GPR63: variants seen among roughly 807,000 people sequenced by gnomAD.
The protein encoded by GPR63 is G protein-coupled receptor 63, also known as probable G protein-coupled receptor 63.
In GPR63, 12 loss-of-function variants were observed where a neutral mutation model predicts 23.1. The ratio of observed to expected loss-of-function variants is 0.52; its 90% CI spans 0.33 to 0.84. The LOEUF is 0.84. Among genes scored for constraint, GPR63 ranks in the 40% least tolerant of loss-of-function variants. The probability of loss-of-function intolerance (pLI) is 0.02; values close to 1 mark genes in which losing one functional copy is unlikely to be tolerated. For missense variants in GPR63, 472 were observed against 515.6 expected (o/e 0.92, Z 0.82); for synonymous variants, 172 against 191.1 (o/e 0.90, Z 0.82).
intron 1 of GPR63, among the ~76,000 whole-genome samples, chr6:96,811,346 G>C (rs1222304932): frequency 1.3e-5 from 2 of 152,160 alleles, no homozygotes; most frequent in Non-Finnish European, 2.9e-5. Context: ...GAATAAAACA[G>C]GTAGGAATGT....
At chr6:96,821,852 T>A (rs758498441) in intron 1 of GPR63, among the ~76,000 whole-genome samples, 2 of 152,156 alleles carry the variant, frequency 1.3e-5, no homozygotes, top group African/African-American at 2.4e-5. Flanking sequence ...GGTTCAAGCA[T>A]AATCTCTTGG....
At chr6:96,817,923 G>A (rs943932755) in intron 1 of GPR63, among the ~76,000 whole-genome samples, 33 of 150,102 alleles carry the variant, frequency 2.2e-4, no homozygotes, top group Non-Finnish European at 4.3e-4. Flanking sequence ...TGATTGGTGC[G>A]TCTTTCTGCT....
Position 96,826,303 on chromosome 6 carries a change from C to G in GPR63, c.-151+10965G>C, listed in dbSNP as rs1774437242. ...ATGAAACCAAACTTAAAACAAGGAG[C>G]TGGTAATAACTTTCTAAAAAATAAA... On this transcript the variant is annotated intron_variant, in intron 1 of 1. Coordinates refer to ENST00000229955, the MANE Select transcript of GPR63 (RefSeq NM_030784.4). Among the ~76,000 whole-genome samples, 4 of 152,144 alleles carry G rather than the reference C, an allele frequency of 2.6e-5. No individual in the cohort carries two copies. The South Asian group carries it at 8.3e-4, about 32-fold the overall frequency.
chr6:96,823,526 A>G (rs1007233034), intron 1 of GPR63, among the ~76,000 whole-genome samples: 1 of 152,222 alleles, frequency 6.6e-6, no homozygotes, highest in African/African-American at 2.4e-5. Context: ...CAAAAAATGA[A>G]AAAGTTTTAA....
At chr6:96,826,654 C>T (rs1412651826) in intron 1 of GPR63, among the ~76,000 whole-genome samples, 1 of 151,974 alleles carries the variant, frequency 6.6e-6, no homozygotes, top group Admixed American at 6.6e-5. Flanking sequence ...AAATTAAAAG[C>T]ATTTGAGTTG....
intron 1 of GPR63, among the ~76,000 whole-genome samples, chr6:96,816,185 C>G (rs1419280411): frequency 6.6e-6 from 1 of 151,776 alleles, no homozygotes. Flanking sequence ...ATAGAAGACG[C>G]AAAAAAACCA....
At chr6:96,806,048 T>C (rs1456809071) in intron 1 of GPR63, among the ~76,000 whole-genome samples, 1 of 152,218 alleles carries the variant, frequency 6.6e-6, no homozygotes, top group Non-Finnish European at 1.5e-5. Context: ...CCTACTATCC[T>C]ACCTCAGGGC....
chr6:96,799,042 C>A lies in GPR63; in HGVS notation c.690G>T (p.Val230=). 8 of 1,614,148 alleles carry A rather than the reference C, an allele frequency of 5.0e-6. No homozygotes were observed. Among genetic ancestry groups the A allele is most frequent in the Non-Finnish European group, 6.8e-6 (8 of 1,180,022 alleles). The change falls in exon 2 of 2, where the codon GTG becomes GTT. Residue 230 remains valine, a synonymous_variant. Coordinates refer to ENST00000229955, the MANE Select transcript of GPR63 (RefSeq NM_030784.4). The stretch of plus-strand genomic sequence containing the variant: ...AGCCTGGATTGGTTGTGTACCCAAA[C>A]ACACACTGGGGAGCTCGGGAAGGTA... ...LQIPSRAPQC[V]FGYTTNPGYQ...
intron 1 of GPR63, among the ~76,000 whole-genome samples, chr6:96,818,556 T>C (rs921187860): frequency 3.3e-5 from 5 of 152,208 alleles, no homozygotes; most frequent in African/African-American, 4.8e-5. Context: ...ATTTATAAAA[T>C]AGAATGCTGT....
In GPR63 at chr6:96,800,418, G is replaced by A. The variant is rs1011719484; in HGVS notation, c.-150-537C>T. Among the ~76,000 whole-genome samples, 4 of 152,042 alleles carry A rather than the reference G, an allele frequency of 2.6e-5. No homozygotes were observed. In the South Asian group the frequency reaches 6.2e-4, roughly 24 times the overall value. On this transcript the variant is annotated intron_variant, in intron 1 of 1. Coordinates refer to ENST00000229955, the MANE Select transcript of GPR63 (RefSeq NM_030784.4). ...CACTTTAGTTCTAACATCCTTATAA[G>A]TAGGCACTAAGTAATTGTCAATGAA...
chr6:96,810,833 T>A (rs1181434129), intron 1 of GPR63, among the ~76,000 whole-genome samples: 3 of 152,090 alleles, frequency 2.0e-5, no homozygotes, highest in Non-Finnish European at 4.4e-5. Flanking sequence ...ACACTTACAG[T>A]TTTGTATAAT....
At chr6:96,825,519 T>G (rs1774419068) in intron 1 of GPR63, among the ~76,000 whole-genome samples, 1 of 152,100 alleles carries the variant, frequency 6.6e-6, no homozygotes, top group Non-Finnish European at 1.5e-5. Flanking sequence ...AGGGACTGTT[T>G]TCAGGAACTT....
At chr6:96,807,673 T>C (rs1582254372) in intron 1 of GPR63, among the ~76,000 whole-genome samples, 1 of 152,126 alleles carries the variant, frequency 6.6e-6, no homozygotes, top group Non-Finnish European at 1.5e-5. Context: ...AAAACAAAAC[T>C]CTTAAAATTT....
intron 1 of GPR63, among the ~76,000 whole-genome samples, chr6:96,836,268 G>C (rs375178026): frequency 2.6e-5 from 4 of 152,048 alleles, no homozygotes; most frequent in Admixed American, 2.6e-4. Flanking sequence ...TACATACCTC[G>C]TCAATGGATT....
rs1773545396 is a variant in GPR63, at chr6:96,794,949, C to A, written c.*3523G>T. 6.6e-6 allele frequency: 1 copy of A among 152,142 alleles called. No homozygotes were observed. Among genetic ancestry groups the A allele is most frequent in the African/African-American group, 2.4e-5 (1 of 41,426 alleles). The allele number at this position is 152,142 out of a possible 1,614,324, so 9.4% of individuals were successfully genotyped here. On this transcript the variant is annotated 3_prime_UTR_variant, in exon 2 of 2. Transcript: ENST00000229955. ...TCCTCTCAATGTGGATTACCCATGC[C>A]TAGAAGATAATGGCTTGCAACACGA...
Position 96,799,078 on chromosome 6 carries a change from G to A in GPR63, c.654C>T (p.Pro218=), listed in dbSNP as rs370572252. The change falls in exon 2 of 2, where the codon CCC becomes CCT. Residue 218 remains proline (P), a synonymous_variant. Coordinates refer to ENST00000229955, the MANE Select transcript of GPR63 (RefSeq NM_030784.4). ...GAGCTCGGGAAGGTATCTGCAGGTC[G>A]GGGTTTCCTACGGCTAAAGGAAAAG... ...CVAFPLAVGN[P]DLQIPSRAPQ... 5.6e-6 allele frequency: 9 copies of A among 1,613,992 alleles called. No individual in the cohort carries two copies. The highest frequency in any genetic ancestry group is 1.7e-5 in the Admixed American group (1 of 59,984).
Position 96,813,059 on chromosome 6 carries a change from A to G in GPR63, c.-150-13178T>C, listed in dbSNP as rs188098665. Among the ~76,000 whole-genome samples, 69 of 152,200 alleles carry G rather than the reference A, an allele frequency of 4.5e-4. 2 individuals carry two copies. Among genetic ancestry groups the G allele is most frequent in the Admixed American group, 3.5e-3 (53 of 15,282 alleles). ...TCATTCTATTCTCTACCTCCATGAC[A>G]TAGCTTCTTTAGCTCCCACATGAAT... On this transcript the variant is annotated intron_variant, in intron 1 of 1. Transcript: ENST00000229955.
At chr6:96,813,920 C>T (rs1774101253) in intron 1 of GPR63, among the ~76,000 whole-genome samples, 1 of 151,926 alleles carries the variant, frequency 6.6e-6, no homozygotes, top group Admixed American at 6.6e-5. Flanking sequence ...CATAAGACTA[C>T]CTGATGATAC....
chr6:96,798,163 G>T lies in GPR63; in HGVS notation c.*309C>A. ...CACCTACAATTCAATGTAACTGCAG[G>T]CTCAATAAAGCACAATCCTGATTCC... On this transcript the variant is annotated 3_prime_UTR_variant, in exon 2 of 2. Transcript: ENST00000229955. The T allele has an allele frequency of 3.8e-6, 1 of 262,428 alleles. No homozygotes were observed. Among genetic ancestry groups the T allele is most frequent in the Non-Finnish European group, 7.3e-6 (1 of 137,576 alleles). 16.3% of individuals were successfully genotyped at this position (262,428 alleles called of 1,614,324 possible). A position where few individuals can be genotyped will look rare whatever the true frequency, so the allele number is the denominator to read the frequency against.
Sources: gnomAD v4.1 joint callset for allele counts (sites outside exome capture counted in the v4.1 genomes callset) on GRCh38, gnomAD v4.1.1 for gene constraint, MANE v1.5 for transcripts, NCBI Gene and HGNC (gene_info 2026-07-23, HGNC 2026-07-21) for gene names.